SEPTIN14: variants seen among roughly 807,000 people sequenced by gnomAD.
SEPTIN14 encodes septin 14.
A neutral mutation model predicts 53.6 loss-of-function variants in SEPTIN14; 40 were observed. The observed-to-expected ratio is 0.75, with a 90% CI of 0.58 to 0.97. The LOEUF is 0.97. Among genes scored for constraint, SEPTIN14 ranks in the 50% least tolerant of loss-of-function variants. SEPTIN14 has a pLI of 0.00. For missense variants in SEPTIN14, 471 were observed against 508.2 expected (o/e 0.93, Z 0.70); for synonymous variants, 138 against 166.8 (o/e 0.83, Z 1.33).
At chr7:55,811,420 G>A (rs1032403177) in intron 7 of SEPTIN14, 3 of 455,098 alleles carry the variant, frequency 6.6e-6, no homozygotes, top group African/African-American at 4.1e-5. Context: ...ATGGTGTTGG[G>A]TGGAGGCTGC....
chr7:55,820,416 T>C (rs1354838258), intron 6 of SEPTIN14, among the ~76,000 whole-genome samples: 1 of 152,254 alleles, frequency 6.6e-6, no homozygotes, highest in African/African-American at 2.4e-5. Context: ...ATGGAAGACA[T>C]GGAATTAACA....
intron 2 of SEPTIN14, among the ~76,000 whole-genome samples, chr7:55,848,021 T>A (rs1047295148): frequency 5.9e-5 from 9 of 152,206 alleles, no homozygotes; most frequent in Non-Finnish European, 1.3e-4. Context: ...TTATGAGGAA[T>A]ACAAAATACC....
intron 6 of SEPTIN14, among the ~76,000 whole-genome samples, chr7:55,822,195 C>G (rs953494838): frequency 6.6e-6 from 1 of 152,112 alleles, no homozygotes; most frequent in East Asian, 1.9e-4. Flanking sequence ...AACCACCATA[C>G]TGTTTTTCAT....
intron 5 of SEPTIN14, among the ~76,000 whole-genome samples, chr7:55,840,096 G>T (rs1269933550): frequency 6.8e-6 from 1 of 148,122 alleles, no homozygotes; most frequent in Admixed American, 6.8e-5. Context: ...AGTGAGCCAA[G>T]ATCACACCAC....
Position 55,816,660 on chromosome 7 carries a change from A to G in SEPTIN14, c.817+2467T>C, listed in dbSNP as rs531156830. Among the ~76,000 whole-genome samples the G allele has an allele frequency of 2.7e-4, 41 of 151,406 alleles. No homozygotes were observed. In the East Asian group the frequency reaches 7.4e-3, roughly 27 times the overall value. ...AAAAATACAAAAAAAAAAAAAAATT[A>G]CCCAGGCTTGGTGGCGCATGCCTGT... On this transcript the variant is annotated intron_variant, in intron 7 of 9. Coordinates refer to ENST00000388975, the MANE Select transcript of SEPTIN14 (RefSeq NM_207366.3).
intron 2 of SEPTIN14, among the ~76,000 whole-genome samples, chr7:55,857,550 G>GA: frequency 2.8e-5 from 3 of 105,834 alleles, no homozygotes; most frequent in African/African-American, 8.1e-5. Flanking sequence ...AAGAGAGGAG[G>GA]GGAGGGGAGG....
chr7:55,827,277 G>A (rs1319090780), intron 6 of SEPTIN14, among the ~76,000 whole-genome samples: 1 of 152,206 alleles, frequency 6.6e-6, no homozygotes, highest in Non-Finnish European at 1.5e-5. Flanking sequence ...CAAAGGAGCA[G>A]CGTTCCTGCA....
rs1484248273 is a variant in SEPTIN14, at chr7:55,807,090, C to T, written c.986G>A (p.Ser329Asn). 1.3e-5 allele frequency: 21 copies of T among 1,583,306 alleles called. No individual in the cohort carries two copies. The highest frequency in any genetic ancestry group is 1.7e-5 in the Non-Finnish European group (20 of 1,170,424). The change falls in exon 8 of 10, where the codon AGT (serine) becomes AAT (asparagine). Residue 329 changes from serine (S) to asparagine (N), a missense_variant and splice_region_variant. Ser to Asn is a conservative substitution (Grantham distance 46). Transcript: ENST00000388975. ...TTGTGCTAGCAATATTTTTACTCAC[C>T]TAACTGGCTGGTTGTTTGGACCCAC... is the stretch of plus-strand genomic sequence containing the variant. ...TDVGPNNQPV[S>N]FQEIFEAKRQ...
chr7:55,859,660 T>A (rs1483546835), intron 2 of SEPTIN14, among the ~76,000 whole-genome samples: 3 of 152,132 alleles, frequency 2.0e-5, no homozygotes, highest in Non-Finnish European at 4.4e-5. Flanking sequence ...TCTCCCTTCC[T>A]CCCTCTCTTT....
intron 7 of SEPTIN14, among the ~76,000 whole-genome samples, chr7:55,813,058 T>C (rs943301018): frequency 6.6e-6 from 1 of 152,024 alleles, no homozygotes; most frequent in African/African-American, 2.4e-5. Flanking sequence ...CAAGTGATTC[T>C]CCGGCCTCAG....
At chr7:55,821,740 A>G (rs76308007) in intron 6 of SEPTIN14, among the ~76,000 whole-genome samples, 4,826 of 152,268 alleles carry the variant, frequency 0.032, 177 homozygotes, top group East Asian at 0.19. Flanking sequence ...GGCTTTACAA[A>G]TATCTAAGTA....
In SEPTIN14 at chr7:55,844,564, C is replaced by A; in HGVS notation, c.330G>T (p.Val110=). Residue 110 remains valine, a synonymous_variant, in exon 4 of 10, where the codon GTG becomes GTT. Transcript: ENST00000388975. ...TTTGATCACCATACCCTACTGTCTC[C>A]ACAACAGTCAATTTCAACTGAACAT... The part of the protein sequence containing the change: ...ESNVQLKLTV[V]ETVGYGDQID... 1 of 1,604,220 alleles carries A rather than the reference C, an allele frequency of 6.2e-7. No homozygotes were observed. The highest frequency in any genetic ancestry group is 1.1e-5 in the South Asian group (1 of 89,478).
At chr7:55,796,956 C>G (rs1270838500) in intron 9 of SEPTIN14, among the ~76,000 whole-genome samples, 2 of 152,068 alleles carry the variant, frequency 1.3e-5, no homozygotes, top group Non-Finnish European at 2.9e-5. Context: ...AACCCCGTCT[C>G]TACTAAAAAT....
intron 5 of SEPTIN14, among the ~76,000 whole-genome samples, chr7:55,840,018 G>C (rs1378620668): frequency 6.6e-6 from 1 of 151,096 alleles, no homozygotes; most frequent in Non-Finnish European, 1.5e-5. Flanking sequence ...AGTGGTGCAT[G>C]CCTGTAATCC....
At chr7:55,846,064 A>AATATATATATATATATATATATATAT (rs1562718590) in intron 3 of SEPTIN14, among the ~76,000 whole-genome samples, 1 of 7,380 alleles carries the variant, frequency 1.4e-4, no homozygotes, top group Admixed American at 1.9e-3. Context: ...AAAAAAAAAA[A>AATATATATATATATATATATATATAT]GTATATATAT....
At chr7:55,853,006 T>TA (rs1199855789) in intron 2 of SEPTIN14, among the ~76,000 whole-genome samples, 1 of 152,134 alleles carries the variant, frequency 6.6e-6, no homozygotes, top group Non-Finnish European at 1.5e-5. Context: ...TCACCTGAGT[T>TA]AAAGTGGTTT....
intron 8 of SEPTIN14, among the ~76,000 whole-genome samples, chr7:55,805,751 T>C (rs773307286): frequency 5.3e-5 from 8 of 152,168 alleles, no homozygotes; most frequent in Non-Finnish European, 8.8e-5. Flanking sequence ...CCAACACTTA[T>C]ATGAGTGAAT....
At chr7:55,807,029 C>A in intron 8 of SEPTIN14, 61 bp downstream of exon 8, 2 of 1,199,148 alleles carry the variant, frequency 1.7e-6, no homozygotes, top group East Asian at 2.6e-5. Flanking sequence ...ATTATCATAC[C>A]TTGTGTTTGT....
At chr7:55,812,351 A>G (rs892339807) in intron 7 of SEPTIN14, among the ~76,000 whole-genome samples, 21 of 152,196 alleles carry the variant, frequency 1.4e-4, no homozygotes, top group Non-Finnish European at 2.6e-4. Context: ...AATACTGCAT[A>G]ATCTCACTTA....
Sources: allele counts gnomAD v4.1 joint callset (sites outside exome capture counted in the v4.1 genomes callset), GRCh38; gene constraint gnomAD v4.1.1; transcripts MANE v1.5; gene names NCBI Gene and HGNC (gene_info 2026-07-23, HGNC 2026-07-21).